Variants in ZFYVE26 observed in about 807,000 individuals in gnomAD.
ZFYVE26 encodes zinc finger FYVE-type containing 26.
ZFYVE26 carries 181 observed loss-of-function variants against 276.5 expected under a neutral mutation model. The ratio of observed to expected loss-of-function variants is 0.65; its 90% CI spans 0.58 to 0.74. The LOEUF (loss-of-function observed/expected upper bound fraction) is 0.74. Ranked by LOEUF, ZFYVE26 falls within the 30% of genes least tolerant of loss-of-function variation. The pLI, the probability that ZFYVE26 is intolerant of heterozygous loss-of-function variation, is 0.00. For missense variants in ZFYVE26, 2,821 were observed against 3,097.9 expected, an observed-to-expected ratio of 0.91 and a Z score of 2.12; for synonymous variants, 1,129 against 1,203.1, an observed-to-expected ratio of 0.94 and a Z score of 1.27.
chr14:67,775,997 G>A lies in ZFYVE26; in HGVS notation c.5084C>T (p.Thr1695Ile), dbSNP rs1176684618. 21 of 1,614,112 alleles carry A rather than the reference G, an allele frequency of 1.3e-5. No individual in the cohort carries two copies. Among genetic ancestry groups the A allele is most frequent in the Non-Finnish European group, 1.4e-5 (17 of 1,180,052 alleles). ...LLMNMKVDWA[T>I]VAVQTLQQLL... The stretch of plus-strand genomic sequence containing the variant: ...CTGCTGGAGAGTCTGCACAGCCACA[G>A]TGGCCCAATCCACCTTCATGTTCAT... Residue 1695 changes from threonine to isoleucine, a missense_variant, in exon 26 of 42, where the codon ACT becomes ATT. Thr to Ile is a moderately conservative substitution (Grantham distance 89). Coordinates refer to ENST00000347230, the MANE Select transcript of ZFYVE26 (RefSeq NM_015346.4).
intron 15 of ZFYVE26, among the ~76,000 whole-genome samples, chr14:67,789,865 C>G (rs181913103): frequency 8.8e-4 from 134 of 152,316 alleles, no homozygotes; most frequent in African/African-American, 3.1e-3. Context: ...TGACGTAGAT[C>G]TGTGTGTGCT....
rs372512940 is a variant in ZFYVE26 at position 67,815,911 on chromosome 14, C to T, written c.53G>A (p.Gly18Glu). 4 of 1,613,616 alleles carry T rather than the reference C, an allele frequency of 2.5e-6. No individual in the cohort carries two copies. The African/African-American group carries it at 5.3e-5, about 22-fold the overall frequency. The change falls in exon 2 of 42, where the codon GGA becomes GAA. Residue 18 changes from glycine (G) to glutamate (E), a missense_variant. Gly to Glu is a moderately conservative substitution (Grantham distance 98). Transcript: ENST00000347230. ...CCTCCGCAGGCATTCGCAGAAAAATCCAAAAAGCTGCTTCTGCGAAGCAGC... is the reference window on the plus strand; with the variant it reads ...CCTCCGCAGGCATTCGCAGAAAAATTCAAAAAGCTGCTTCTGCGAAGCAGC... Reference protein sequence around the residue: ...EEAASQKQLFGFFCECLRRGE... With the variant: ...EEAASQKQLFEFFCECLRRGE...
At chr14:67,783,712 T>G (rs1343890475) in intron 20 of ZFYVE26, among the ~76,000 whole-genome samples, 187 bp from the exon 21 acceptor site, 5 of 151,944 alleles carry the variant, frequency 3.3e-5, no homozygotes, top group Non-Finnish European at 1.5e-5. Flanking sequence ...TCACGAACAC[T>G]TCTGCGAGAT....
chr14:67,805,383 G>A (rs546113918), intron 7 of ZFYVE26, 71 bp downstream of exon 7: 2 of 1,613,262 alleles, frequency 1.2e-6, no homozygotes, highest in East Asian at 4.5e-5. Flanking sequence ...TTAGGGCTCT[G>A]CATTCAGCCT....
At chr14:67,773,563 A>ACACACACACT (rs2039267811) in intron 27 of ZFYVE26, among the ~76,000 whole-genome samples, 1 of 148,656 alleles carries the variant, frequency 6.7e-6, no homozygotes. Context: ...GCACACACAC[A>ACACACACACT]CACACACACC....
chr14:67,735,548 T>G (rs2038342469), intron 13 of ZFYVE26, among the ~76,000 whole-genome samples: 2 of 152,254 alleles, frequency 1.3e-5, no homozygotes, highest in Non-Finnish European at 2.9e-5. Context: ...TTTTCCGCTA[T>G]TGACTTGTGC....
At chr14:67,780,174 AC>A in intron 23 of ZFYVE26, 66 bp downstream of exon 23, 2 of 1,377,654 alleles carry the variant, frequency 1.5e-6, no homozygotes, top group African/African-American at 1.4e-5. Flanking sequence ...AGGGGCTTAT[AC>A]AGCCAGCTAA....
At position 67,784,836 on chromosome 14, in the gene ZFYVE26, C is replaced by T. The variant is rs7149669; in HGVS notation, c.3523+223G>A. Among the ~76,000 whole-genome samples the T allele has an allele frequency of 0.038, 5,854 of 152,238 alleles. 348 individuals are homozygous for T. The highest frequency in any genetic ancestry group is 0.13 in the African/African-American group (5,308 of 41,520). ...GTCTGACAGAGATATTTTTGAGTCGCTAATTCCAAGAAAATTAATTGAGTA... is the reference window on the plus strand; with the variant it reads ...GTCTGACAGAGATATTTTTGAGTCGTTAATTCCAAGAAAATTAATTGAGTA... On this transcript the variant is annotated intron_variant, in intron 19 of 41. Coordinates refer to ENST00000347230, the MANE Select transcript of ZFYVE26 (RefSeq NM_015346.4).
At chr14:67,735,533 G>T (rs1388073719) in intron 13 of ZFYVE26, among the ~76,000 whole-genome samples, 1 of 152,232 alleles carries the variant, frequency 6.6e-6, no homozygotes, top group East Asian at 1.9e-4. Flanking sequence ...AACCTTCGGG[G>T]CTGTTTTTCC....
At position 67,753,721 on chromosome 14, in the gene ZFYVE26, A is replaced by C. The variant is rs1198229625; in HGVS notation, c.7174T>G (p.Phe2392Val). The change falls in exon 39 of 42, where the codon TTC (phenylalanine) becomes GTC (valine). Residue 2392 changes from phenylalanine to valine, a missense_variant. Transcript: ENST00000347230. ...KNVEDGFGIA[F>V]RVLQDFQLDA... is the part of the protein sequence containing the mutation. ...CCAAGTCATACCTGCAGAACACGGAAAGCAATTCCAAAACCATCTTCTACA... is the reference window on the plus strand; with the variant it reads ...CCAAGTCATACCTGCAGAACACGGACAGCAATTCCAAAACCATCTTCTACA... The C allele has an allele frequency of 6.2e-7, 1 of 1,613,728 alleles. No homozygotes were observed. The highest frequency in any genetic ancestry group is 1.7e-5 in the Admixed American group (1 of 59,998).
At chr14:67,736,858 G>A (rs946956130) in intron 13 of ZFYVE26, among the ~76,000 whole-genome samples, 5 of 152,134 alleles carry the variant, frequency 3.3e-5, no homozygotes, top group African/African-American at 1.2e-4. Flanking sequence ...CACACTAAAG[G>A]GTTAGGTGAT....
intron 12 of ZFYVE26, 129 bp from the exon 13 acceptor site, chr14:67,794,368 C>A: frequency 2.2e-6 from 2 of 914,604 alleles, no homozygotes; most frequent in Non-Finnish European, 3.6e-6. Flanking sequence ...ATGACACCTG[C>A]TGCTCCTTCT....
rs878855014 is a variant in ZFYVE26 at position 67,767,843 on chromosome 14, G to A, written c.5654-3C>T. ...TTCATTCTTGGAGCTGTCTAGAGCT[G>A]AGAAGAGAAATGCCATTCATGTGTC... On this transcript the variant is annotated splice_region_variant and splice_polypyrimidine_tract_variant and intron_variant, in intron 30 of 41. Transcript: ENST00000347230. 1 of 1,614,134 alleles carries A rather than the reference G, an allele frequency of 6.2e-7. No homozygotes were observed. The highest frequency in any genetic ancestry group is 8.5e-7 in the Non-Finnish European group (1 of 1,180,022).
intron 3 of ZFYVE26, among the ~76,000 whole-genome samples, chr14:67,811,430 A>T (rs949360356): frequency 6.6e-6 from 1 of 152,182 alleles, no homozygotes; most frequent in Non-Finnish European, 1.5e-5. Context: ...GCAAAATTAT[A>T]GACATCTTAA....
intron 10 of ZFYVE26, among the ~76,000 whole-genome samples, chr14:67,798,839 TGGCCGGGTCCC>T (rs1302981527): frequency 6.6e-6 from 1 of 152,256 alleles, no homozygotes; most frequent in Non-Finnish European, 1.5e-5. Context: ...AAAGTACAGC[TGGCCGGGTCCC>T]GCCCCGAGGC....
chr14:67,806,027 A>G (rs1434463384), intron 6 of ZFYVE26, among the ~76,000 whole-genome samples: 2 of 152,236 alleles, frequency 1.3e-5, no homozygotes, highest in Non-Finnish European at 2.9e-5. Flanking sequence ...CTCTGTCTCA[A>G]AAACAAAAAA....
intron 18 of ZFYVE26, 130 bp downstream of exon 18, chr14:67,785,728 T>C (rs2039633387): frequency 1.6e-6 from 2 of 1,257,688 alleles, no homozygotes; most frequent in East Asian, 2.3e-5. Context: ...AGACATGCCC[T>C]GGCTAACTAA....
At position 67,805,434 on chromosome 14, in the gene ZFYVE26, G is replaced by A. The variant is rs774356165; in HGVS notation, c.1182+20C>T. The stretch of plus-strand genomic sequence containing the variant: ...CGTCTCTCACTTCCAGAGCAGCCTG[G>A]GATGCTGAGTGAGAGTTACCTGGGT... On this transcript the variant is annotated intron_variant, in intron 7 of 41. Coordinates refer to ENST00000347230, the MANE Select transcript of ZFYVE26 (RefSeq NM_015346.4). The A allele has an allele frequency of 6.2e-7, 1 of 1,614,148 alleles. No individual in the cohort carries two copies. The highest frequency in any genetic ancestry group is 1.7e-5 in the Admixed American group (1 of 60,028).
rs145777078 is a variant in ZFYVE26, at chr14:67,781,476, G to A, written c.4426C>T (p.Arg1476Trp). The A allele has an allele frequency of 1.7e-5, 28 of 1,614,006 alleles. No homozygotes were observed. In the African/African-American group the frequency reaches 2.3e-4, roughly 13 times the overall value. ...CTGTCCACAAACTGTAGGGCCAGCCGACTTCTCAGAGATGCATCCTTCACG... is the reference window on the plus strand; with the variant it reads ...CTGTCCACAAACTGTAGGGCCAGCCAACTTCTCAGAGATGCATCCTTCACG... ...FPVKDASLRSRLALQFVDRWP... is the reference protein window; with the variant it reads ...FPVKDASLRSWLALQFVDRWP... Residue 1476 changes from arginine to tryptophan, a missense_variant, in exon 22 of 42, where the codon CGG becomes TGG. Transcript: ENST00000347230.
Sources: allele counts gnomAD v4.1 joint callset (sites outside exome capture counted in the v4.1 genomes callset), GRCh38; gene constraint gnomAD v4.1.1; transcripts MANE v1.5; gene names NCBI Gene and HGNC (gene_info 2026-07-23, HGNC 2026-07-21).